Variants in CEP63 observed in about 807,000 individuals in gnomAD.
The protein encoded by CEP63 is centrosomal protein 63.
CEP63 carries 84 observed loss-of-function variants against 89.1 expected under a neutral mutation model. The observed-to-expected ratio is 0.94, with a 90% CI of 0.79 to 1.13. CEP63 has a LOEUF of 1.13. Among genes scored for constraint, CEP63 ranks in the 50% most tolerant of loss-of-function variants. The pLI is 0.00. For synonymous variants in CEP63, 267 were observed against 272.5 expected (o/e 0.98, Z 0.20); for missense variants, 838 against 813.3 (o/e 1.03, Z -0.37).
intron 11 of CEP63, among the ~76,000 whole-genome samples, chr3:134,550,562 G>A: frequency 6.6e-6 from 1 of 152,148 alleles, no homozygotes. Context: ...GCTAAGTTAG[G>A]AGCAAGCTGG....
chr3:134,677,229 A>T, the CEP63 span, among the ~76,000 whole-genome samples: 1 of 152,208 alleles, frequency 6.6e-6, no homozygotes, highest in Non-Finnish European at 1.5e-5. Context: ...ATTGCACTCC[A>T]GCCTGGGCAA....
chr3:134,683,361 G>C, the CEP63 span, among the ~76,000 whole-genome samples: 3 of 152,194 alleles, frequency 2.0e-5, no homozygotes, highest in Admixed American at 6.5e-5. Flanking sequence ...AGCTGGAAGG[G>C]ACCTAGGAGA....
chr3:134,608,377 A>G, the CEP63 span: 30 of 1,393,028 alleles, frequency 2.2e-5, no homozygotes, highest in African/African-American at 3.7e-4. Context: ...GGAAACCTGC[A>G]GCCTTCAGAC....
chr3:134,597,419 A>G, the CEP63 span, among the ~76,000 whole-genome samples: 3 of 152,320 alleles, frequency 2.0e-5, no homozygotes, highest in South Asian at 2.1e-4. Context: ...CTGCACACAC[A>G]GAACCCTCAC....
chr3:134,704,328 A>G, the CEP63 span, among the ~76,000 whole-genome samples: 1 of 152,140 alleles, frequency 6.6e-6, no homozygotes, highest in Non-Finnish European at 1.5e-5. Context: ...CTCCCTGAGG[A>G]AGAATTGGGC....
the CEP63 span, chr3:134,647,470 C>T: frequency 2.0e-5 from 32 of 1,612,352 alleles, no homozygotes; most frequent in East Asian, 2.9e-4. Context: ...CTGCCATCTT[C>T]GGACTCCATT....
the CEP63 span, among the ~76,000 whole-genome samples, chr3:134,684,739 G>C: frequency 6.6e-6 from 1 of 152,222 alleles, no homozygotes; most frequent in African/African-American, 2.4e-5. Context: ...TGCAGCAACA[G>C]GGACAATATA....
the CEP63 span, among the ~76,000 whole-genome samples, chr3:134,714,623 G>T: frequency 6.6e-6 from 1 of 152,240 alleles, no homozygotes; most frequent in African/African-American, 2.4e-5. Context: ...ATACTCATCT[G>T]TCACACAAAC....
At chr3:134,749,213 G>A in the CEP63 span, among the ~76,000 whole-genome samples, 1 of 152,174 alleles carries the variant, frequency 6.6e-6, no homozygotes, top group African/African-American at 2.4e-5. Context: ...CAAATTGTTG[G>A]GCCTTCCCCA....
intron 12 of CEP63, among the ~76,000 whole-genome samples, chr3:134,554,936 T>A (rs1044089192): frequency 2.0e-5 from 3 of 152,076 alleles, no homozygotes; most frequent in African/African-American, 7.2e-5. Context: ...GGGTTGTTTG[T>A]TTTTTTCTTG....
At chr3:134,700,489 C>G in the CEP63 span, among the ~76,000 whole-genome samples, 2 of 152,178 alleles carry the variant, frequency 1.3e-5, no homozygotes, top group African/African-American at 4.8e-5. Context: ...TTCACACTTC[C>G]CAGAGGTGAA....
At chr3:134,588,938 C>T (rs1233766768), downstream of CEP63, among the ~76,000 whole-genome samples, 1 of 152,146 alleles carries the variant, frequency 6.6e-6, no homozygotes, top group Non-Finnish European at 1.5e-5. Flanking sequence ...AACTCCTTGC[C>T]AACAGCTGTA....
intron 10 of CEP63, among the ~76,000 whole-genome samples, chr3:134,582,798 A>T (rs921106855): frequency 1.3e-5 from 2 of 152,162 alleles, no homozygotes; most frequent in African/African-American, 4.8e-5. Context: ...CCCACCAACA[A>T]TGTAAAGGCA....
chr3:134,603,526 C>G, the CEP63 span: 1 of 1,504,106 alleles, frequency 6.6e-7, no homozygotes, highest in African/African-American at 1.4e-5. Context: ...TCGAGCCCTC[C>G]CTGGGGAGGT....
At chr3:134,511,824 A>G (rs1374254742) in intron 3 of CEP63, among the ~76,000 whole-genome samples, 1 of 152,148 alleles carries the variant, frequency 6.6e-6, no homozygotes, top group Admixed American at 6.5e-5. Context: ...GTCACCTCCC[A>G]CCAGGCCCCT....
At chr3:134,525,674 C>T (rs1234824805) in intron 3 of CEP63, among the ~76,000 whole-genome samples, 2 of 152,088 alleles carry the variant, frequency 1.3e-5, no homozygotes, top group Admixed American at 6.5e-5. Flanking sequence ...TCTTTGCTTT[C>T]CATATGTGGT....
the CEP63 span, among the ~76,000 whole-genome samples, chr3:134,611,797 C>G: frequency 3.3e-5 from 5 of 152,238 alleles, no homozygotes; most frequent in African/African-American, 1.2e-4. Context: ...GCCTCAGTTG[C>G]TCTAAACAAG....
At chr3:134,530,202 A>T (rs1949582108) in intron 3 of CEP63, among the ~76,000 whole-genome samples, 1 of 152,186 alleles carries the variant, frequency 6.6e-6, no homozygotes. Context: ...GTGTTTTAAT[A>T]TCGACTCCCA....
chr3:134,710,874 A>G, the CEP63 span, among the ~76,000 whole-genome samples: 1 of 151,810 alleles, frequency 6.6e-6, no homozygotes, highest in Non-Finnish European at 1.5e-5. Flanking sequence ...GGCGCGCACC[A>G]CCATGCCAGG....
Sources: allele counts gnomAD v4.1 joint callset (sites outside exome capture counted in the v4.1 genomes callset), GRCh38; gene constraint gnomAD v4.1.1; transcripts MANE v1.5; gene names NCBI Gene and HGNC (gene_info 2026-07-23, HGNC 2026-07-21).